Variants in TNIK observed in about 807,000 individuals in gnomAD.
The protein encoded by TNIK is TRAF2 and NCK-interacting protein kinase.
TNIK carries 49 observed loss-of-function variants against 191.3 expected under a neutral mutation model. That is an observed-to-expected ratio of 0.26 (90% confidence interval 0.20 to 0.32). TNIK has a LOEUF of 0.32. Among genes scored for constraint, TNIK ranks in the 10% least tolerant of loss-of-function variants. The probability of loss-of-function intolerance (pLI) is 1.00; values close to 1 mark genes in which losing one functional copy is unlikely to be tolerated. For missense variants in TNIK, 1,155 were observed against 1,702.3 expected (o/e 0.68, Z 5.66); for synonymous variants, 594 against 600.9 (o/e 0.99, Z 0.17).
At chr3:171,440,450 A>G (rs1726643354) in intron 1 of TNIK, among the ~76,000 whole-genome samples, 1 of 152,208 alleles carries the variant, frequency 6.6e-6, no homozygotes, top group Non-Finnish European at 1.5e-5. Flanking sequence ...TCATTTGAGA[A>G]AAGGAATTCC....
chr3:171,125,767 G>A (rs370740109), intron 17 of TNIK, 145 bp downstream of exon 17: 1 of 1,240,246 alleles, frequency 8.1e-7, no homozygotes, highest in Non-Finnish European at 1.1e-6. Context: ...CTTAGCCAGG[G>A]AATGAAGAGG....
chr3:171,106,477 T>C (rs1724905756), intron 21 of TNIK, among the ~76,000 whole-genome samples: 2 of 152,176 alleles, frequency 1.3e-5, no homozygotes. Flanking sequence ...AAAGCCATGA[T>C]GGTAGTCTTT....
chr3:171,443,655 CA>C (rs57803912), intron 1 of TNIK, among the ~76,000 whole-genome samples: 8,380 of 143,282 alleles, frequency 0.058, 783 homozygotes, highest in African/African-American at 0.2. Context: ...CCCATCTCTA[CA>C]AAAAAAAAAA....
intron 18 of TNIK, among the ~76,000 whole-genome samples, chr3:171,114,744 A>T: frequency 6.6e-6 from 1 of 152,194 alleles, no homozygotes; most frequent in Non-Finnish European, 1.5e-5. Flanking sequence ...ATCATTGGTA[A>T]ACTTAAGAAA....
chr3:171,243,494 C>G (rs1308418090), intron 2 of TNIK, among the ~76,000 whole-genome samples: 1 of 151,806 alleles, frequency 6.6e-6, no homozygotes, highest in Admixed American at 6.6e-5. Context: ...AAAAAGCACC[C>G]TTCCCATTGT....
intron 2 of TNIK, among the ~76,000 whole-genome samples, chr3:171,356,954 C>G (rs1481852746): frequency 2.6e-5 from 4 of 152,138 alleles, no homozygotes; most frequent in African/African-American, 9.7e-5. Context: ...AGATGGAAAA[C>G]AACCTCCAAA....
At chr3:171,445,863 A>T (rs967543633) in intron 1 of TNIK, among the ~76,000 whole-genome samples, 2 of 152,178 alleles carry the variant, frequency 1.3e-5, no homozygotes, top group Non-Finnish European at 2.9e-5. Context: ...ACTTCATTTC[A>T]CTTACTAATG....
chr3:171,090,396 A>G (rs1021605580), intron 23 of TNIK, among the ~76,000 whole-genome samples: 8 of 151,168 alleles, frequency 5.3e-5, no homozygotes, highest in African/African-American at 1.2e-4. Context: ...GACTTAAAAA[A>G]TGTTCTTTTT....
chr3:171,294,595 T>A (rs982310334), intron 2 of TNIK, among the ~76,000 whole-genome samples: 1 of 148,426 alleles, frequency 6.7e-6, no homozygotes, highest in Non-Finnish European at 1.5e-5. Context: ...GTGGTGAGCA[T>A]CTGTAATCCC....
intron 22 of TNIK, among the ~76,000 whole-genome samples, chr3:171,095,909 A>G (rs1348890541): frequency 1.3e-5 from 2 of 151,716 alleles, no homozygotes; most frequent in African/African-American, 2.4e-5. Flanking sequence ...AGAGACATGG[A>G]AAAAAAAATT....
At chr3:171,126,453 T>A (rs1243159964) in intron 16 of TNIK, among the ~76,000 whole-genome samples, 1 of 152,230 alleles carries the variant, frequency 6.6e-6, no homozygotes, top group Non-Finnish European at 1.5e-5. Flanking sequence ...AGCAATGCAA[T>A]GTATTTTATA....
At chr3:171,136,380 G>A (rs1347132612) in intron 15 of TNIK, among the ~76,000 whole-genome samples, 2 of 152,174 alleles carry the variant, frequency 1.3e-5, no homozygotes, top group Non-Finnish European at 2.9e-5. Context: ...ACAACTCGGG[G>A]CTTGTCACTT....
chr3:171,200,679 G>GCAT (rs1739294708), intron 4 of TNIK, among the ~76,000 whole-genome samples: 5 of 152,084 alleles, frequency 3.3e-5, no homozygotes, highest in Non-Finnish European at 7.4e-5. Flanking sequence ...AGAGACAGGG[G>GCAT]GCCTTTAGCA....
chr3:171,299,155 G>A (rs1374081242), intron 2 of TNIK, among the ~76,000 whole-genome samples: 1 of 152,128 alleles, frequency 6.6e-6, no homozygotes, highest in African/African-American at 2.4e-5. Flanking sequence ...CCTTGTTTTG[G>A]TTGTGTACAG....
chr3:171,442,318 C>T (rs1726923313), intron 1 of TNIK, among the ~76,000 whole-genome samples: 1 of 152,136 alleles, frequency 6.6e-6, no homozygotes, highest in Non-Finnish European at 1.5e-5. Context: ...CAGACCTGGC[C>T]TCAAAGGGAC....
At position 171,228,267 on chromosome 3, in the gene TNIK, TAG is replaced by T. The variant is rs758676096; in HGVS notation, c.124-48_124-47del. ...CAAAAGATTTAGTTCTGATGATGAA[TAG>T]TAGCATTCAATTCCAACAATAAAGA... On this transcript the variant is annotated intron_variant, in intron 2 of 32. Coordinates refer to ENST00000436636, the MANE Select transcript of TNIK (RefSeq NM_015028.4). 16 of 1,607,382 alleles carry T rather than the reference TAG, an allele frequency of 1.0e-5. No individual in the cohort carries two copies. The South Asian group carries it at 1.8e-4, about 18-fold the overall frequency.
chr3:171,360,819 C>T (rs935762144), intron 2 of TNIK, among the ~76,000 whole-genome samples: 1 of 152,222 alleles, frequency 6.6e-6, no homozygotes, highest in Admixed American at 6.5e-5. Flanking sequence ...CTTCCCACAG[C>T]CCCCACAGAT....
At chr3:171,305,824 A>T (rs889739073) in intron 2 of TNIK, among the ~76,000 whole-genome samples, 20 of 152,184 alleles carry the variant, frequency 1.3e-4, no homozygotes, top group African/African-American at 4.8e-4. Flanking sequence ...CGAAGAACCT[A>T]AAACAGAACT....
At chr3:171,275,554 A>T (rs1749628077) in intron 2 of TNIK, among the ~76,000 whole-genome samples, 3 of 152,196 alleles carry the variant, frequency 2.0e-5, no homozygotes, top group Admixed American at 2.0e-4. Flanking sequence ...ATCAGAAAAG[A>T]TTCTAATTTC....
Sources: gnomAD v4.1 joint callset for allele counts (sites outside exome capture counted in the v4.1 genomes callset) on GRCh38, gnomAD v4.1.1 for gene constraint, MANE v1.5 for transcripts, NCBI Gene and HGNC (gene_info 2026-07-23, HGNC 2026-07-21) for gene names.